The following IL1RAPL1 variants were observed in gnomAD, a reference collection of about 807,000 sequenced individuals.
IL1RAPL1 encodes interleukin-1 receptor accessory protein-like 1.
In IL1RAPL1, 3 loss-of-function variants were observed where a neutral mutation model predicts 48.4. The ratio of observed to expected loss-of-function variants is 0.06; its 90% CI spans 0.03 to 0.16. The LOEUF is 0.16. Among genes scored for constraint, IL1RAPL1 ranks in the 10% least tolerant of loss-of-function variants. The probability of loss-of-function intolerance (pLI) is 1.00; values close to 1 mark genes in which losing one functional copy is unlikely to be tolerated. For missense variants in IL1RAPL1, 349 were observed against 530.6 expected, an observed-to-expected ratio of 0.66 and a Z score of 3.36; for synonymous variants, 185 against 187.7, an observed-to-expected ratio of 0.99 and a Z score of 0.12.
intron 8 of IL1RAPL1, among the ~76,000 whole-genome samples, chrX:29,934,809 C>A (rs989945437): frequency 8.9e-6 from 1 of 111,925 alleles, no homozygotes; most frequent in African/African-American, 3.2e-5. Context: ...AACCAGGATA[C>A]ATTTATCAAA....
intron 2 of IL1RAPL1, among the ~76,000 whole-genome samples, chrX:29,023,762 C>A (rs774150129): frequency 1.1e-4 from 12 of 111,545 alleles, no homozygotes; most frequent in Non-Finnish European, 2.1e-4. Flanking sequence ...TTATCTGTAT[C>A]GATTAGATAA....
At chrX:28,674,534 G>T (rs1305586951) in intron 1 of IL1RAPL1, among the ~76,000 whole-genome samples, 2 of 111,386 alleles carry the variant, frequency 1.8e-5, no homozygotes, top group Non-Finnish European at 3.8e-5. Context: ...AGTTAAAATA[G>T]GTACAATGGC....
At chrX:29,831,883 TA>T in intron 6 of IL1RAPL1, among the ~76,000 whole-genome samples, 1 of 111,974 alleles carries the variant, frequency 8.9e-6, no homozygotes. Context: ...CCTCTAGTTT[TA>T]TTATATAAGT....
intron 6 of IL1RAPL1, among the ~76,000 whole-genome samples, chrX:29,849,396 C>G (rs1931316721): frequency 9.0e-6 from 1 of 111,262 alleles, no homozygotes; most frequent in Non-Finnish European, 1.9e-5. Flanking sequence ...TACCTGGTGA[C>G]CAAGATAACC....
intron 1 of IL1RAPL1, among the ~76,000 whole-genome samples, chrX:28,717,614 G>C (rs1442816852): frequency 1.8e-5 from 2 of 111,127 alleles, no homozygotes; most frequent in African/African-American, 6.5e-5. Context: ...ATTTACCTAT[G>C]TTACAAAGCT....
intron 2 of IL1RAPL1, among the ~76,000 whole-genome samples, chrX:29,089,132 G>T (rs935725321): frequency 9.0e-6 from 1 of 111,348 alleles, no homozygotes; most frequent in Non-Finnish European, 1.9e-5. Flanking sequence ...GCATGAGGGA[G>T]ACAGCAGTAA....
intron 2 of IL1RAPL1, among the ~76,000 whole-genome samples, chrX:29,078,603 C>G (rs775771378): frequency 8.9e-6 from 1 of 111,902 alleles, no homozygotes; most frequent in Non-Finnish European, 1.9e-5. Flanking sequence ...CATGAAGATT[C>G]GAAGCGTTAA....
chrX:29,440,668 A>T (rs555026275), intron 5 of IL1RAPL1, among the ~76,000 whole-genome samples: 2 of 112,409 alleles, frequency 1.8e-5, no homozygotes, highest in East Asian at 2.8e-4. Flanking sequence ...AAAACAAAAT[A>T]AAAGCAGCTA....
chrX:29,520,693 C>G (rs186446203), intron 5 of IL1RAPL1, among the ~76,000 whole-genome samples: 1 of 111,265 alleles, frequency 9.0e-6, no homozygotes, highest in Non-Finnish European at 1.9e-5. Context: ...TGTTCTTGCT[C>G]CCAAATAACA....
chrX:29,141,117 A>G (rs973625962), intron 2 of IL1RAPL1, among the ~76,000 whole-genome samples: 2 of 111,097 alleles, frequency 1.8e-5, no homozygotes, highest in East Asian at 5.6e-4. Context: ...ATAAAGGCAC[A>G]GACACATATT....
rs777061422 is a variant in IL1RAPL1, at chrX:28,622,805, G to A, written c.-25+34758G>A. ...GTGGTTGAAGATCAAATTTAAGAACGCTACTGGATATTCATTTATTTTGTC... is the reference window on the plus strand; with the variant it reads ...GTGGTTGAAGATCAAATTTAAGAACACTACTGGATATTCATTTATTTTGTC... On this transcript the variant is annotated intron_variant, in intron 1 of 10. Transcript: ENST00000378993. Among the ~76,000 whole-genome samples the A allele has an allele frequency of 5.4e-5, 6 of 111,585 alleles. No individual in the cohort carries two copies. In the East Asian group the frequency reaches 1.7e-3, roughly 31 times the overall value.
rs141033075 is a variant in IL1RAPL1, at chrX:29,793,846, G to A, written c.779-123618G>A. 3.7e-3 allele frequency among the ~76,000 whole-genome samples: 412 copies of A among 112,007 alleles called. 3 individuals are homozygous for A. Among genetic ancestry groups the A allele is most frequent in the South Asian group, 0.013 (36 of 2,693 alleles). ...GCACTGAAACAGTTATATATTTTCC[G>A]TAGCACTAAATCTTTTTCTCATTAA... On this transcript the variant is annotated intron_variant, in intron 6 of 10. Transcript: ENST00000378993.
chrX:29,333,509 C>T (rs1265426633), intron 3 of IL1RAPL1, among the ~76,000 whole-genome samples: 9 of 74,302 alleles, frequency 1.2e-4, no homozygotes, highest in East Asian at 8.9e-4. Context: ...ACCTCCCGGA[C>T]GGGGCGGCTG....
At chrX:28,770,150 C>G (rs1345904676) in intron 1 of IL1RAPL1, among the ~76,000 whole-genome samples, 1 of 111,946 alleles carries the variant, frequency 8.9e-6, no homozygotes. Context: ...GTTTTGGGAT[C>G]TCTAACAGAG....
At chrX:29,490,012 A>G (rs1935138608) in intron 5 of IL1RAPL1, among the ~76,000 whole-genome samples, 1 of 111,030 alleles carries the variant, frequency 9.0e-6, no homozygotes, top group Non-Finnish European at 1.9e-5. Context: ...GGACTTATTA[A>G]TCTCTGATAC....
intron 2 of IL1RAPL1, among the ~76,000 whole-genome samples, chrX:29,203,654 G>C (rs1165654041): frequency 2.8e-5 from 3 of 105,418 alleles, no homozygotes; most frequent in Admixed American, 1.0e-4. Flanking sequence ...GGGAGGCAGA[G>C]GTTGCAGTGA....
Position 29,810,187 on chromosome X carries a change from T to A in IL1RAPL1, c.779-107277T>A, listed in dbSNP as rs191837717. Among the ~76,000 whole-genome samples the A allele has an allele frequency of 1.8e-4, 18 of 101,968 alleles. No homozygotes were observed. The Admixed American group carries it at 1.8e-3, about 10-fold the overall frequency. 88.5% of individuals were successfully genotyped at this position (101,968 alleles called of 115,157 possible). On this transcript the variant is annotated intron_variant, in intron 6 of 10. Coordinates refer to ENST00000378993, the MANE Select transcript of IL1RAPL1 (RefSeq NM_014271.4). ...TTATGTATTATTTATTTATTTATTT[T>A]TATTTTATTTTATTTCATTTTGAGA...
chrX:29,479,699 C>T (rs1356683805), intron 5 of IL1RAPL1, among the ~76,000 whole-genome samples: 6 of 109,532 alleles, frequency 5.5e-5, no homozygotes. Context: ...CCCCAGAGTC[C>T]ATTATATCAC....
chrX:29,665,773 C>A (rs1925981959), intron 5 of IL1RAPL1, among the ~76,000 whole-genome samples: 1 of 111,795 alleles, frequency 8.9e-6, no homozygotes, highest in Admixed American at 9.5e-5. Flanking sequence ...CAACTGATAC[C>A]CATGATAATA....
Sources: gnomAD v4.1 joint callset for allele counts (sites outside exome capture counted in the v4.1 genomes callset) on GRCh38, gnomAD v4.1.1 for gene constraint, MANE v1.5 for transcripts, NCBI Gene and HGNC (gene_info 2026-07-23, HGNC 2026-07-21) for gene names.